GPSM3: variants seen among roughly 807,000 people sequenced by gnomAD.
GPSM3 encodes the protein G protein signaling modulator 3.
GPSM3 carries 16 observed loss-of-function variants against 20.4 expected under a neutral mutation model. The ratio of observed to expected loss-of-function variants is 0.78; its 90% CI spans 0.53 to 1.19. The LOEUF (loss-of-function observed/expected upper bound fraction) is 1.19, where lower values mean the gene tolerates loss of function less well. GPSM3 is among the 50% of genes most tolerant of loss of function. The pLI, the probability that GPSM3 is intolerant of heterozygous loss-of-function variation, is 0.00. For missense variants in GPSM3, 177 were observed against 204.6 expected, an observed-to-expected ratio of 0.86 and a Z score of 0.82; for synonymous variants, 70 against 79.6, an observed-to-expected ratio of 0.88 and a Z score of 0.64.
rs1267447334 is a variant in GPSM3, at chr6:32,192,356, C to T, written c.43-106G>A. The T allele has an allele frequency of 7.3e-7, 1 of 1,374,724 alleles. No homozygotes were observed. 85.2% of individuals were successfully genotyped at this position (1,374,724 alleles called of 1,614,324 possible). Reference sequence around the variant, plus strand: ...CGTTTCCTCTCTGTGTGTCTCTGTTCCTGCCTCAGTTTGCCCAAGCCTTTC... The same window carrying T: ...CGTTTCCTCTCTGTGTGTCTCTGTTTCTGCCTCAGTTTGCCCAAGCCTTTC... On this transcript the variant is annotated intron_variant, in intron 1 of 3. Coordinates refer to ENST00000375040, the MANE Select transcript of GPSM3 (RefSeq NM_001276501.2). The surrounding 1 kb of genome is among the most constrained non-coding windows in gnomAD (Gnocchi z 5.1).
Position 32,192,492 on chromosome 6 carries a change from C to A in GPSM3, c.22G>T (p.Glu8Ter). MEAERPQ[E>*]EEDGEQGPPQ... The stretch of plus-strand genomic sequence containing the variant: ...CTCACCTGCTCACCATCCTCTTCTT[C>A]CTGGGGTCTCTCAGCCTCCATCCCC... The change falls in exon 1 of 4, where the codon GAA becomes TAA. Residue 8 changes from glutamate (E) to a stop codon, truncating the protein, a stop_gained. Coordinates refer to ENST00000375040, the MANE Select transcript of GPSM3 (RefSeq NM_001276501.2). LOFTEE classifies it high-confidence loss of function. The surrounding 1 kb of genome is among the most constrained non-coding windows in gnomAD (Gnocchi z 5.1). The A allele has an allele frequency of 6.3e-7, 1 of 1,591,888 alleles. No individual in the cohort carries two copies. Among genetic ancestry groups the A allele is most frequent in the East Asian group, 2.3e-5 (1 of 44,348 alleles).
At chr6:32,193,547 T>C (rs12663103), upstream of GPSM3, among the ~76,000 whole-genome samples, 9,366 of 152,210 alleles carry the variant, frequency 0.062, 344 homozygotes, top group South Asian at 0.098. The surrounding 1 kb of genome is among the most constrained non-coding windows in gnomAD (Gnocchi z 4.7). Flanking sequence ...AGACAAGATG[T>C]GTACCAAATA....
chr6:32,192,527 G>A lies in GPSM3; in HGVS notation c.-14C>T. 6.4e-7 allele frequency: 1 copy of A among 1,551,016 alleles called. No homozygotes were observed. On this transcript the variant is annotated 5_prime_UTR_variant, in exon 1 of 4. Coordinates refer to ENST00000375040, the MANE Select transcript of GPSM3 (RefSeq NM_001276501.2). This position sits in a 1 kb window ranked among gnomAD's most constrained non-coding sequence, Gnocchi z 5.1. ...CTCAGCCTCCATCCCCTAGAGGGGA[G>A]AAACTGGTGGGGGAGGGGTGGCTGG... is the stretch of plus-strand genomic sequence containing the variant.
upstream of GPSM3, chr6:32,192,908 G>A: frequency 4.9e-6 from 1 of 204,724 alleles, no homozygotes; most frequent in East Asian, 9.7e-5. This position sits in a 1 kb window ranked among gnomAD's most constrained non-coding sequence, Gnocchi z 5.1. Context: ...TGCTCTTTCT[G>A]TCAACACAGG....
chr6:32,195,252 T>C, upstream of GPSM3: 2 of 621,474 alleles, frequency 3.2e-6, no homozygotes, highest in Non-Finnish European at 5.4e-6. The surrounding 1 kb of genome is among the most constrained non-coding windows in gnomAD (Gnocchi z 5.4). Flanking sequence ...TCTTAAACCC[T>C]CTTTCCAGAG....
chr6:32,193,907 T>C (rs777930309), upstream of GPSM3, among the ~76,000 whole-genome samples: 1 of 152,184 alleles, frequency 6.6e-6, no homozygotes, highest in Non-Finnish European at 1.5e-5. This position sits in a 1 kb window ranked among gnomAD's most constrained non-coding sequence, Gnocchi z 4.7. Flanking sequence ...CAACCTGTCA[T>C]GTTAGGGAGT....
chr6:32,195,129 A>G, upstream of GPSM3: 1 of 412,964 alleles, frequency 2.4e-6, no homozygotes, highest in Non-Finnish European at 4.3e-6. The surrounding 1 kb of genome is among the most constrained non-coding windows in gnomAD (Gnocchi z 5.4). Context: ...AACATCTTAC[A>G]TCCCATATGC....
chr6:32,191,728 C>T lies in GPSM3; in HGVS notation c.326G>A (p.Ser109Asn). The T allele has an allele frequency of 5.0e-6, 8 of 1,611,470 alleles. No homozygotes were observed. Among genetic ancestry groups the T allele is most frequent in the Non-Finnish European group, 6.8e-6 (8 of 1,179,170 alleles). The change falls in exon 3 of 4, where the codon AGC becomes AAC. Residue 109 changes from serine (S) to asparagine (N), a missense_variant. Coordinates refer to ENST00000375040, the MANE Select transcript of GPSM3 (RefSeq NM_001276501.2). This position sits in a 1 kb window ranked among gnomAD's most constrained non-coding sequence, Gnocchi z 5.9. ...TCTTACCTGGTGACTGAGGATAGTGCTGTAAAGCTGTTCTCTGTCCTCGAG... is the reference window on the plus strand; with the variant it reads ...TCTTACCTGGTGACTGAGGATAGTGTTGTAAAGCTGTTCTCTGTCCTCGAG... Reference protein sequence around the residue: ...RPLEDREQLYSTILSHQCQRM... With the variant: ...RPLEDREQLYNTILSHQCQRM...
At chr6:32,195,131 C>T (rs1026447202), upstream of GPSM3, 35 of 423,358 alleles carry the variant, frequency 8.3e-5, no homozygotes, top group African/African-American at 6.6e-4. The surrounding 1 kb of genome is among the most constrained non-coding windows in gnomAD (Gnocchi z 5.4). Context: ...CATCTTACAT[C>T]CCATATGCCT....
At position 32,192,458 on chromosome 6, in the gene GPSM3, C is replaced by T. The variant is rs765973199; in HGVS notation, c.42+14G>A. 23 of 1,586,098 alleles carry T rather than the reference C, an allele frequency of 1.5e-5. No homozygotes were observed. The highest frequency in any genetic ancestry group is 5.4e-5 in the African/African-American group (4 of 74,454). On this transcript the variant is annotated intron_variant, in intron 1 of 3. Coordinates refer to ENST00000375040, the MANE Select transcript of GPSM3 (RefSeq NM_001276501.2). The surrounding 1 kb of genome is among the most constrained non-coding windows in gnomAD (Gnocchi z 5.1). ...TTCCCAGTGTCAGCCTCCCCAACCC[C>T]GTGCCCAGCTCACCTGCTCACCATC...
chr6:32,195,189 C>A, upstream of GPSM3: 1 of 532,226 alleles, frequency 1.9e-6, no homozygotes, highest in South Asian at 2.8e-5. The surrounding 1 kb of genome is among the most constrained non-coding windows in gnomAD (Gnocchi z 5.4). Context: ...ACTCTGCCCT[C>A]CTGTGGCCTG....
chr6:32,195,431 ATTC>A (rs750797312), upstream of GPSM3: 3 of 1,572,194 alleles, frequency 1.9e-6, no homozygotes, highest in Non-Finnish European at 1.7e-6. The surrounding 1 kb of genome is among the most constrained non-coding windows in gnomAD (Gnocchi z 5.4). Context: ...CCTACCATGT[ATTC>A]TTCTATTTTT....
chr6:32,193,596 G>C (rs17208049), upstream of GPSM3, among the ~76,000 whole-genome samples: 1,583 of 152,264 alleles, frequency 0.01, 26 homozygotes, highest in African/African-American at 0.035. This position sits in a 1 kb window ranked among gnomAD's most constrained non-coding sequence, Gnocchi z 4.7. Context: ...TTATAGTTTA[G>C]TGCAGACAAG....
At chr6:32,194,959 G>C, upstream of GPSM3, 1 of 237,382 alleles carries the variant, frequency 4.2e-6, no homozygotes, top group South Asian at 1.7e-4. The surrounding 1 kb of genome is among the most constrained non-coding windows in gnomAD (Gnocchi z 4.5). Context: ...TGAGGGGAGG[G>C]AATGCAAGGA....
At chr6:32,194,052 G>A (rs1787704333), upstream of GPSM3, among the ~76,000 whole-genome samples, 1 of 152,170 alleles carries the variant, frequency 6.6e-6, no homozygotes, top group African/African-American at 2.4e-5. This position sits in a 1 kb window ranked among gnomAD's most constrained non-coding sequence, Gnocchi z 4.5. Context: ...TACTTCATAG[G>A]GTTGATGTAT....
In GPSM3 at chr6:32,191,501, G is replaced by GCT; in HGVS notation, c.347_348insAG (p.Cys116Ter). The change falls in exon 4 of 4, where the codon TGC becomes TGAGC. Residue 116 changes from cysteine (C) to a stop codon, truncating the protein, a stop_gained and frameshift_variant and splice_region_variant. Transcript: ENST00000375040. LOFTEE classifies it high-confidence loss of function. This position sits in a 1 kb window ranked among gnomAD's most constrained non-coding sequence, Gnocchi z 5.9. ...QLYSTILSHQ[C>*]QRMEAQRSEP... Reference sequence around the variant, plus strand: ...CTGACCGCTGGGCTTCCATCCGCTGGCACTGGAGGAGTGGAGGGAGAGGGA... The same window carrying GCT: ...CTGACCGCTGGGCTTCCATCCGCTGGCTCACTGGAGGAGTGGAGGGAGAGGGA... 1 of 1,557,726 alleles carries GCT rather than the reference G, an allele frequency of 6.4e-7. No individual in the cohort carries two copies. The highest frequency in any genetic ancestry group is 8.7e-7 in the Non-Finnish European group (1 of 1,154,132).
At position 32,191,231 on chromosome 6, in the gene GPSM3, T is replaced by G; in HGVS notation, c.*135A>C. 3.9e-6 allele frequency: 4 copies of G among 1,036,602 alleles called. No homozygotes were observed. The highest frequency in any genetic ancestry group is 5.5e-6 in the Non-Finnish European group (4 of 731,782). 64.2% of individuals were successfully genotyped at this position (1,036,602 alleles called of 1,614,324 possible). ...CCTGTCCAGTTCCCAGGGAAGGTGA[T>G]GTGGGAGATGAATATTGAGATTTGT... On this transcript the variant is annotated 3_prime_UTR_variant, in exon 4 of 4. Coordinates refer to ENST00000375040, the MANE Select transcript of GPSM3 (RefSeq NM_001276501.2). The surrounding 1 kb of genome is among the most constrained non-coding windows in gnomAD (Gnocchi z 5.9).
In GPSM3 at chr6:32,192,222, G is replaced by C; in HGVS notation, c.71C>G (p.Pro24Arg). Residue 24 changes from proline (P) to arginine (R), a missense_variant, in exon 2 of 4, where the codon CCC (proline) becomes CGC (arginine). Physicochemically the swap from Pro to Arg is moderately radical, Grantham distance 103 (BLOSUM62 -2). Coordinates refer to ENST00000375040, the MANE Select transcript of GPSM3 (RefSeq NM_001276501.2). The surrounding 1 kb of genome is among the most constrained non-coding windows in gnomAD (Gnocchi z 5.1). The part of the protein sequence containing the change: ...QGPPQDEEGW[P>R]PPNSTTRPWR... ...AGGCCGAGTGGTGGAGTTTGGAGGG[G>C]GCCAGCCTTCCTCATCCTGAGGGGG... The C allele has an allele frequency of 6.6e-7, 1 of 1,515,396 alleles. No homozygotes were observed. The highest frequency in any genetic ancestry group is 8.8e-7 in the Non-Finnish European group (1 of 1,132,214). The allele number at this position is 1,515,396 out of a possible 1,614,324, so 93.9% of individuals were successfully genotyped here. A position where few individuals can be genotyped will look rare whatever the true frequency, so the allele number is the denominator to read the frequency against.
In GPSM3 at chr6:32,192,088, G is replaced by C; in HGVS notation, c.145+60C>G. On this transcript the variant is annotated intron_variant, in intron 2 of 3. Coordinates refer to ENST00000375040, the MANE Select transcript of GPSM3 (RefSeq NM_001276501.2). This position sits in a 1 kb window ranked among gnomAD's most constrained non-coding sequence, Gnocchi z 5.1. ...GAGGGCCCACAATGGAGTGGGCCTTGGTAATGGGGTCAGGATGTGGGCACT... is the reference window on the plus strand; with the variant it reads ...GAGGGCCCACAATGGAGTGGGCCTTCGTAATGGGGTCAGGATGTGGGCACT... 7.2e-7 allele frequency: 1 copy of C among 1,391,780 alleles called. No homozygotes were observed. The highest frequency in any genetic ancestry group is 9.8e-7 in the Non-Finnish European group (1 of 1,018,504). 86.2% of individuals were successfully genotyped at this position (1,391,780 alleles called of 1,614,324 possible). A position where few individuals can be genotyped will look rare whatever the true frequency, so the allele number is the denominator to read the frequency against.
Sources: gnomAD v4.1 joint callset for allele counts (sites outside exome capture counted in the v4.1 genomes callset) on GRCh38, gnomAD v4.1.1 for gene constraint, Gnocchi (gnomAD v3.1) non-coding constraint, MANE v1.5 for transcripts, NCBI Gene and HGNC (gene_info 2026-07-23, HGNC 2026-07-21) for gene names.